HEATR3: variants seen among roughly 807,000 people sequenced by gnomAD.
HEATR3 encodes the protein HEAT repeat-containing protein 3.
HEATR3 carries 56 observed loss-of-function variants against 72.8 expected under a neutral mutation model. The ratio of observed to expected loss-of-function variants is 0.77; its 90% CI spans 0.62 to 0.96. The LOEUF (loss-of-function observed/expected upper bound fraction) is 0.96. HEATR3 is among the 40% of genes least tolerant of loss of function. The probability of loss-of-function intolerance (pLI) is 0.00; values close to 1 mark genes in which losing one functional copy is unlikely to be tolerated. For missense variants in HEATR3, 747 were observed against 831.4 expected (o/e 0.90, Z 1.25); for synonymous variants, 331 against 318.1 (o/e 1.04, Z -0.43).
chr16:50,076,798 C>T (rs112901477), intron 6 of HEATR3, among the ~76,000 whole-genome samples: 10,372 of 150,850 alleles, frequency 0.069, 502 homozygotes, highest in Middle Eastern at 0.14. Flanking sequence ...CTCCTGAGTT[C>T]AAGCGATCCT....
At chr16:50,102,896 G>A (rs2037400186) in intron 14 of HEATR3, among the ~76,000 whole-genome samples, 1 of 152,030 alleles carries the variant, frequency 6.6e-6, no homozygotes, top group South Asian at 2.1e-4. Context: ...CCAAGTAGCT[G>A]GGATTACAGG....
chr16:50,096,905 C>T (rs932325453), intron 12 of HEATR3, among the ~76,000 whole-genome samples: 7 of 152,184 alleles, frequency 4.6e-5, no homozygotes, highest in African/African-American at 7.2e-5. Flanking sequence ...TCCCCATACA[C>T]TTACCCATTG....
chr16:50,104,653 G>A (rs542865532), intron 14 of HEATR3, among the ~76,000 whole-genome samples: 2 of 152,218 alleles, frequency 1.3e-5, no homozygotes, highest in East Asian at 1.9e-4. Flanking sequence ...GAGGTTAGGG[G>A]TTATTTTCCC....
intron 12 of HEATR3, among the ~76,000 whole-genome samples, chr16:50,096,138 A>C (rs1043583748): frequency 6.6e-6 from 1 of 151,864 alleles, no homozygotes; most frequent in African/African-American, 2.4e-5. Context: ...CAGCCTGGCC[A>C]ACATGGTGAA....
chr16:50,097,398 AT>A (rs769882022), intron 12 of HEATR3, among the ~76,000 whole-genome samples: 1,254 of 100,490 alleles, frequency 0.012, 14 homozygotes, highest in African/African-American at 0.042. Context: ...GTGACCAGTG[AT>A]TTTTTTTTTT....
rs2037472844 is a variant in HEATR3, at chr16:50,105,713, T to G, written c.*652T>G. 1 of 151,358 alleles carries G rather than the reference T, an allele frequency of 6.6e-6. No individual in the cohort carries two copies. The highest frequency in any genetic ancestry group is 1.5e-5 in the Non-Finnish European group (1 of 67,950). 9.4% of individuals were successfully genotyped at this position (151,358 alleles called of 1,614,324 possible). A position where few individuals can be genotyped will look rare whatever the true frequency, so the allele number is the denominator to read the frequency against. ...ATTACAGGCACCCACCACCACACCT[T>G]GTTTTTGTTTTTGGTTTTTTGGTTT... On this transcript the variant is annotated 3_prime_UTR_variant, in exon 15 of 15. Coordinates refer to ENST00000299192, the MANE Select transcript of HEATR3 (RefSeq NM_182922.4).
rs2036933557 is a variant in HEATR3, at chr16:50,084,130, C to T, written c.1133-4C>T. 9 of 1,613,998 alleles carry T rather than the reference C, an allele frequency of 5.6e-6. No individual in the cohort carries two copies. Among genetic ancestry groups the T allele is most frequent in the Admixed American group, 3.3e-5 (2 of 59,984 alleles). On this transcript the variant is annotated splice_region_variant and splice_polypyrimidine_tract_variant and intron_variant, in intron 8 of 14. Transcript: ENST00000299192. Reference sequence around the variant, plus strand: ...CAGTTCTGCGTGGTTTGCCCGCTTCCCAGATCCCTCTGATGACGAATGGGA... The same window carrying T: ...CAGTTCTGCGTGGTTTGCCCGCTTCTCAGATCCCTCTGATGACGAATGGGA...
Position 50,106,990 on chromosome 16 carries a change from G to C in HEATR3, c.*1929G>C, listed in dbSNP as rs887766763. On this transcript the variant is annotated 3_prime_UTR_variant, in exon 15 of 15. Coordinates refer to ENST00000299192, the MANE Select transcript of HEATR3 (RefSeq NM_182922.4). ...TATGGTCCTTGCTCATGAATTTTAAGGTATATATGTATGTTTAGTGATCAT... is the reference window on the plus strand; with the variant it reads ...TATGGTCCTTGCTCATGAATTTTAACGTATATATGTATGTTTAGTGATCAT... Among the ~76,000 whole-genome samples the C allele has an allele frequency of 2.0e-5, 3 of 152,040 alleles. No homozygotes were observed. The highest frequency in any genetic ancestry group is 7.2e-5 in the African/African-American group (3 of 41,414).
chr16:50,067,960 G>T (rs1410775538), intron 2 of HEATR3, among the ~76,000 whole-genome samples: 1 of 152,148 alleles, frequency 6.6e-6, no homozygotes, highest in African/African-American at 2.4e-5. Context: ...TGCTAAAAGA[G>T]GGTACAAACA....
intron 10 of HEATR3, among the ~76,000 whole-genome samples, chr16:50,084,935 T>G (rs2036955661): frequency 6.6e-6 from 1 of 152,000 alleles, no homozygotes; most frequent in Admixed American, 6.6e-5. Context: ...CATGCAGCAG[T>G]AAAAGGGATC....
At chr16:50,095,507 C>T (rs2037215915) in intron 12 of HEATR3, among the ~76,000 whole-genome samples, 1 of 151,244 alleles carries the variant, frequency 6.6e-6, no homozygotes, top group African/African-American at 2.4e-5. Flanking sequence ...CCATAGGTGC[C>T]TTACCACTTT....
chr16:50,099,281 C>T (rs918906806), intron 12 of HEATR3, among the ~76,000 whole-genome samples: 3 of 152,040 alleles, frequency 2.0e-5, no homozygotes, highest in African/African-American at 7.3e-5. Context: ...CTTATGGGAT[C>T]AGTGTGATGG....
At chr16:50,072,136 C>A (rs1244505614) in intron 4 of HEATR3, among the ~76,000 whole-genome samples, 1 of 151,992 alleles carries the variant, frequency 6.6e-6, no homozygotes, top group African/African-American at 2.4e-5. Flanking sequence ...ATATAGAGGC[C>A]TTTTATCCTC....
At chr16:50,080,290 T>G (rs1342411825) in intron 7 of HEATR3, 1 of 151,644 alleles carries the variant, frequency 6.6e-6, no homozygotes, top group Non-Finnish European at 1.5e-5. Flanking sequence ...TGTTAAGTGC[T>G]GGGACAAATA....
At chr16:50,098,705 A>G (rs1423215400) in intron 12 of HEATR3, among the ~76,000 whole-genome samples, 1 of 151,892 alleles carries the variant, frequency 6.6e-6, no homozygotes, top group East Asian at 1.9e-4. Flanking sequence ...TAGAGAAAAG[A>G]AAGAAAAATA....
chr16:50,086,430 A>AT lies in HEATR3; in HGVS notation c.1510+80dup, dbSNP rs1403269753. On this transcript the variant is annotated intron_variant, in intron 11 of 14. Coordinates refer to ENST00000299192, the MANE Select transcript of HEATR3 (RefSeq NM_182922.4). ...GCAGGAATTTGGATTTTGTAAATGT[A>AT]TATTGTTTGTCATCCAATGTGCAGA... 2.8e-6 allele frequency: 4 copies of AT among 1,427,952 alleles called. No homozygotes were observed. In the African/African-American group the frequency reaches 5.7e-5, roughly 20 times the overall value. 88.5% of individuals were successfully genotyped at this position (1,427,952 alleles called of 1,614,324 possible).
chr16:50,098,728 TTTA>T (rs983330365), intron 12 of HEATR3, among the ~76,000 whole-genome samples: 9 of 151,788 alleles, frequency 5.9e-5, no homozygotes, highest in African/African-American at 1.9e-4. Context: ...TTTCAAAAAT[TTTA>T]TTATTTGCTT....
In HEATR3 at chr16:50,070,310, C is replaced by G. The variant is rs1302501210; in HGVS notation, c.512+20C>G. The G allele has an allele frequency of 8.1e-7, 1 of 1,238,168 alleles. No individual in the cohort carries two copies. Among genetic ancestry groups the G allele is most frequent in the East Asian group, 2.3e-5 (1 of 42,910 alleles). 76.7% of individuals were successfully genotyped at this position (1,238,168 alleles called of 1,614,324 possible). A position where few individuals can be genotyped will look rare whatever the true frequency, so the allele number is the denominator to read the frequency against. On this transcript the variant is annotated intron_variant, in intron 4 of 14. Coordinates refer to ENST00000299192, the MANE Select transcript of HEATR3 (RefSeq NM_182922.4). ...TATATGGTAAGATGCCTACCAAACA[C>G]AGTCTCCTGCTATAGCAGTACCCAG...
At position 50,105,239 on chromosome 16, in the gene HEATR3, C is replaced by A; in HGVS notation, c.*178C>A. 1.7e-6 allele frequency: 1 copy of A among 587,946 alleles called. No individual in the cohort carries two copies. The highest frequency in any genetic ancestry group is 2.0e-5 in the South Asian group (1 of 50,740). 36.4% of individuals were successfully genotyped at this position (587,946 alleles called of 1,614,324 possible). ...TGGCTCACGCCTATAATCCCAGCAC[C>A]TTGGGAGACCGAGGCGGGTGGATCA... On this transcript the variant is annotated 3_prime_UTR_variant, in exon 15 of 15. Transcript: ENST00000299192.
Sources: allele counts gnomAD v4.1 joint callset (sites outside exome capture counted in the v4.1 genomes callset), GRCh38; gene constraint gnomAD v4.1.1; transcripts MANE v1.5; gene names NCBI Gene and HGNC (gene_info 2026-07-23, HGNC 2026-07-21).